NKAIN2: variants seen among roughly 807,000 people sequenced by gnomAD.
The protein encoded by NKAIN2 is sodium/potassium transporting ATPase interacting 2.
NKAIN2 carries 14 observed loss-of-function variants against 32.6 expected under a neutral mutation model. The observed-to-expected ratio is 0.43, with a 90% CI of 0.28 to 0.67. The LOEUF (loss-of-function observed/expected upper bound fraction) is 0.67. Ranked by LOEUF, NKAIN2 falls within the 30% of genes least tolerant of loss-of-function variation. The pLI is 0.17. For synonymous variants in NKAIN2, 80 were observed against 87.2 expected (o/e 0.92, Z 0.46); for missense variants, 198 against 258.3 (o/e 0.77, Z 1.60).
intron 3 of NKAIN2, among the ~76,000 whole-genome samples, chr6:124,568,052 A>T (rs376450079): frequency 2.0e-5 from 3 of 152,316 alleles, no homozygotes; most frequent in East Asian, 3.9e-4. Flanking sequence ...AGAAGAGAGC[A>T]TATGATGCTT....
At chr6:124,001,733 A>G (rs1779883404) in intron 1 of NKAIN2, among the ~76,000 whole-genome samples, 1 of 150,370 alleles carries the variant, frequency 6.7e-6, no homozygotes, top group Non-Finnish European at 1.5e-5. Flanking sequence ...TGGATTCTAT[A>G]AGAAATCAAT....
At chr6:124,161,277 G>T (rs1010021234) in intron 1 of NKAIN2, among the ~76,000 whole-genome samples, 8 of 151,992 alleles carry the variant, frequency 5.3e-5, no homozygotes, top group African/African-American at 4.8e-5. Context: ...ATAAGGGGAG[G>T]TGCTACACAC....
intron 3 of NKAIN2, among the ~76,000 whole-genome samples, chr6:124,458,110 T>C (rs1267257450): frequency 6.6e-6 from 1 of 151,998 alleles, no homozygotes; most frequent in Non-Finnish European, 1.5e-5. Context: ...CATAGCTCTG[T>C]ATTTAGCATA....
chr6:124,356,902 A>G (rs1254370633), intron 3 of NKAIN2, among the ~76,000 whole-genome samples: 1 of 152,216 alleles, frequency 6.6e-6, no homozygotes, highest in African/African-American at 2.4e-5. Context: ...GGCCTGAGTA[A>G]AATGATCCAG....
At chr6:124,679,220 G>A (rs1367688560) in intron 4 of NKAIN2, among the ~76,000 whole-genome samples, 1 of 151,998 alleles carries the variant, frequency 6.6e-6, no homozygotes, top group Admixed American at 6.6e-5. Context: ...CATGTCTTGG[G>A]GTTTTCTCTT....
At chr6:124,216,161 C>A (rs1791468899) in intron 1 of NKAIN2, among the ~76,000 whole-genome samples, 1 of 149,586 alleles carries the variant, frequency 6.7e-6, no homozygotes. Context: ...CACACTCAGT[C>A]TAAATAGGAG....
chr6:124,733,485 A>G (rs1583755923), intron 4 of NKAIN2, among the ~76,000 whole-genome samples: 1 of 151,908 alleles, frequency 6.6e-6, no homozygotes, highest in African/African-American at 2.4e-5. Flanking sequence ...TAAAGGAAAA[A>G]GAAACTGTAC....
intron 1 of NKAIN2, among the ~76,000 whole-genome samples, chr6:124,184,215 C>T (rs963824123): frequency 6.6e-6 from 1 of 152,058 alleles, no homozygotes; most frequent in East Asian, 1.9e-4. Flanking sequence ...TGGTTCTCTT[C>T]ATCTTCTGTG....
intron 1 of NKAIN2, among the ~76,000 whole-genome samples, chr6:124,262,265 T>G (rs1243396882): frequency 6.6e-6 from 1 of 152,182 alleles, no homozygotes; most frequent in East Asian, 1.9e-4. Context: ...ATGCATCAAA[T>G]TCCATTGCCG....
At chr6:124,010,365 C>T (rs1780270124) in intron 1 of NKAIN2, among the ~76,000 whole-genome samples, 1 of 152,048 alleles carries the variant, frequency 6.6e-6, no homozygotes, top group Admixed American at 6.6e-5. Context: ...CATCACTTCA[C>T]TAGTTCATAG....
At chr6:124,217,544 AC>A (rs1240077780) in intron 1 of NKAIN2, among the ~76,000 whole-genome samples, 2 of 152,094 alleles carry the variant, frequency 1.3e-5, no homozygotes, top group Non-Finnish European at 2.9e-5. Context: ...GATACAAAGC[AC>A]ACATTTCTTT....
chr6:124,801,072 T>C (rs1780234363), intron 5 of NKAIN2, among the ~76,000 whole-genome samples: 1 of 152,122 alleles, frequency 6.6e-6, no homozygotes, highest in African/African-American at 2.4e-5. Context: ...TTCTGTTGGC[T>C]CCAAACCCGT....
At chr6:124,749,213 T>C (rs1214706741) in intron 4 of NKAIN2, among the ~76,000 whole-genome samples, 1 of 151,920 alleles carries the variant, frequency 6.6e-6, no homozygotes, top group African/African-American at 2.4e-5. Context: ...CAACAGCTAG[T>C]GGAGATCTTC....
rs561163705 is a variant in NKAIN2, at chr6:124,055,094, T to A, written c.55-227911T>A. Among the ~76,000 whole-genome samples, 5 of 152,204 alleles carry A rather than the reference T, an allele frequency of 3.3e-5. No individual in the cohort carries two copies. In the South Asian group the frequency reaches 1.0e-3, roughly 32 times the overall value. ...TATATCACCTAGATTGTCTTATATA[T>A]TGCTCATATTTTAAATATCTGCCTC... is the stretch of plus-strand genomic sequence containing the variant. On this transcript the variant is annotated intron_variant, in intron 1 of 6. Coordinates refer to ENST00000368417, the MANE Select transcript of NKAIN2 (RefSeq NM_001040214.3).
At chr6:124,427,122 A>G (rs1562177624) in intron 3 of NKAIN2, among the ~76,000 whole-genome samples, 1 of 152,218 alleles carries the variant, frequency 6.6e-6, no homozygotes, top group Non-Finnish European at 1.5e-5. Context: ...ATATGCACTT[A>G]TGTTATAACA....
At chr6:124,800,559 G>A (rs1481190406) in intron 5 of NKAIN2, among the ~76,000 whole-genome samples, 7 of 152,176 alleles carry the variant, frequency 4.6e-5, no homozygotes, top group Admixed American at 6.5e-5. Context: ...TAATTAGGCT[G>A]AAGACAAAAA....
intron 4 of NKAIN2, among the ~76,000 whole-genome samples, chr6:124,713,860 G>T (rs967148939): frequency 1.4e-4 from 22 of 152,168 alleles, no homozygotes; most frequent in African/African-American, 4.8e-4. Flanking sequence ...AGCATTCAAG[G>T]AAATGTTGTC....
intron 3 of NKAIN2, among the ~76,000 whole-genome samples, chr6:124,577,652 G>A (rs755901018): frequency 1.6e-4 from 24 of 152,028 alleles, no homozygotes; most frequent in East Asian, 3.9e-4. Flanking sequence ...GCAATTCCTG[G>A]GCAAGTTCTG....
At chr6:123,934,271 T>A (rs1776399876) in intron 1 of NKAIN2, among the ~76,000 whole-genome samples, 1 of 152,210 alleles carries the variant, frequency 6.6e-6, no homozygotes, top group South Asian at 2.1e-4. Flanking sequence ...TTATTTGATG[T>A]CTCTGGTTAT....
Sources: allele counts gnomAD v4.1 joint callset (sites outside exome capture counted in the v4.1 genomes callset), GRCh38; gene constraint gnomAD v4.1.1; transcripts MANE v1.5; gene names NCBI Gene and HGNC (gene_info 2026-07-23, HGNC 2026-07-21).